Variants in PRICKLE2 observed in about 807,000 individuals in gnomAD.
The protein encoded by PRICKLE2 is prickle-like protein 2.
In PRICKLE2, 21 loss-of-function variants were observed where a neutral mutation model predicts 81.4. That is an observed-to-expected ratio of 0.26 (90% CI 0.18 to 0.37). The LOEUF is 0.37. PRICKLE2 is among the 10% of genes least tolerant of loss of function. The probability of loss-of-function intolerance (pLI) is 1.00; values close to 1 mark genes in which losing one functional copy is unlikely to be tolerated. For synonymous variants in PRICKLE2, 456 were observed against 421.5 expected, an observed-to-expected ratio of 1.08 and a Z score of -1.00; for missense variants, 940 against 1,109.0, an observed-to-expected ratio of 0.85 and a Z score of 2.16.
intron 2 of PRICKLE2, among the ~76,000 whole-genome samples, chr3:64,234,851 G>A (rs948585275): frequency 1.3e-5 from 2 of 152,126 alleles, no homozygotes; most frequent in African/African-American, 4.8e-5. Flanking sequence ...GTGTTTGAGT[G>A]TGAATCTCTT....
At chr3:64,177,731 C>T (rs1307621320) in intron 2 of PRICKLE2, among the ~76,000 whole-genome samples, 8 of 152,158 alleles carry the variant, frequency 5.3e-5, no homozygotes, top group Admixed American at 6.5e-5. Flanking sequence ...TCTGTTGTAG[C>T]ATGTGTCAGG....
chr3:64,155,712 A>G (rs1260665894), intron 5 of PRICKLE2, among the ~76,000 whole-genome samples: 3 of 152,268 alleles, frequency 2.0e-5, no homozygotes, highest in Admixed American at 2.0e-4. Flanking sequence ...GGAATGAAGT[A>G]CTTACATATA....
chr3:64,230,135 T>C (rs1277822803), upstream of PRICKLE2, among the ~76,000 whole-genome samples: 3 of 152,304 alleles, frequency 2.0e-5, no homozygotes, highest in East Asian at 5.8e-4. Context: ...ATATCACTTC[T>C]AGTGGTCAAA....
chr3:64,124,062 C>A (rs1481315876), intron 7 of PRICKLE2, among the ~76,000 whole-genome samples: 1 of 152,128 alleles, frequency 6.6e-6, no homozygotes, highest in Admixed American at 6.6e-5. Flanking sequence ...ATAAAAAGTT[C>A]TTGAAGGAAT....
At chr3:64,192,475 T>C (rs1559568069) in intron 2 of PRICKLE2, among the ~76,000 whole-genome samples, 1 of 152,224 alleles carries the variant, frequency 6.6e-6, no homozygotes, top group Non-Finnish European at 1.5e-5. Context: ...AATCTTGTAT[T>C]AGGGGCCAGC....
At chr3:64,104,326 G>C (rs2076719764) in intron 7 of PRICKLE2, among the ~76,000 whole-genome samples, 3 of 152,216 alleles carry the variant, frequency 2.0e-5, no homozygotes, top group Non-Finnish European at 4.4e-5. Flanking sequence ...AGAAAGGAAA[G>C]AAAACATCTT....
At chr3:64,157,087 G>T in intron 5 of PRICKLE2, 75 bp downstream of exon 5, 1 of 1,386,934 alleles carries the variant, frequency 7.2e-7, no homozygotes, top group Non-Finnish European at 1.0e-6. Context: ...AGTGCAGAAA[G>T]CCAGAAGACC....
At chr3:64,115,670 C>G (rs576709397) in intron 7 of PRICKLE2, among the ~76,000 whole-genome samples, 219 of 152,186 alleles carry the variant, frequency 1.4e-3, no homozygotes, top group African/African-American at 4.9e-3. Flanking sequence ...ATATATGTTC[C>G]CAACACAGGA....
intron 1 of PRICKLE2, among the ~76,000 whole-genome samples, chr3:64,202,710 G>A (rs1007321911): frequency 6.6e-6 from 1 of 151,106 alleles, no homozygotes; most frequent in African/African-American, 2.4e-5. Flanking sequence ...ACCATATCAT[G>A]TGCAAATAGA....
intron 7 of PRICKLE2, chr3:64,103,003 A>G (rs1197046121): frequency 1.3e-5 from 2 of 152,180 alleles, no homozygotes; most frequent in African/African-American, 2.4e-5. Context: ...TGAAAGAACA[A>G]ATGTGGCAAA....
chr3:64,252,123 T>G (rs115399703), intron 2 of PRICKLE2, among the ~76,000 whole-genome samples: 1 of 151,626 alleles, frequency 6.6e-6, no homozygotes, highest in Non-Finnish European at 1.5e-5. Context: ...AAGTAAGTAA[T>G]AGGCATAATC....
intron 2 of PRICKLE2, among the ~76,000 whole-genome samples, chr3:64,248,540 A>G (rs933279858): frequency 6.6e-6 from 1 of 152,216 alleles, no homozygotes; most frequent in Non-Finnish European, 1.5e-5. Context: ...CTTGAACCAC[A>G]GATCAATCAC....
intron 1 of PRICKLE2, among the ~76,000 whole-genome samples, chr3:64,203,403 G>T (rs534875680): frequency 9.8e-5 from 15 of 152,296 alleles, no homozygotes; most frequent in Non-Finnish European, 2.2e-4. Context: ...ATGTGTTTAA[G>T]TAAGTTGACT....
At chr3:64,176,128 A>G (rs1258374353) in intron 2 of PRICKLE2, among the ~76,000 whole-genome samples, 4 of 152,170 alleles carry the variant, frequency 2.6e-5, no homozygotes, top group Non-Finnish European at 5.9e-5. Context: ...GAGTTTTACT[A>G]GAAGTACTAA....
chr3:64,162,929 T>C (rs2077757657), intron 3 of PRICKLE2, 87 bp downstream of exon 3: 5 of 885,668 alleles, frequency 5.6e-6, no homozygotes, highest in East Asian at 4.8e-5. Flanking sequence ...CTTCTTCGGC[T>C]ACCTCATTGG....
chr3:64,258,845 A>G (rs2620628), intron 2 of PRICKLE2, among the ~76,000 whole-genome samples: 1,753 of 33,458 alleles, frequency 0.052, 9 homozygotes, highest in African/African-American at 0.065. Context: ...AAAAAAAAAA[A>G]AAAGAAAGAA....
At chr3:64,209,252 C>A (rs1458086259) in intron 1 of PRICKLE2, among the ~76,000 whole-genome samples, 1 of 151,946 alleles carries the variant, frequency 6.6e-6, no homozygotes, top group Non-Finnish European at 1.5e-5. Context: ...TCATTCATAC[C>A]CATAAATACA....
Position 64,146,865 on chromosome 3 carries a change from C to A in PRICKLE2, c.1625G>T (p.Gly542Val), listed in dbSNP as rs1245428599. 2 of 1,614,022 alleles carry A rather than the reference C, an allele frequency of 1.2e-6. No homozygotes were observed. Among genetic ancestry groups the A allele is most frequent in the East Asian group, 2.2e-5 (1 of 44,876 alleles). The change falls in exon 7 of 8, where the codon GGC becomes GTC. Residue 542 changes from glycine (G) to valine (V), a missense_variant. Physicochemically the swap from Gly to Val is moderately radical, Grantham distance 109. Coordinates refer to ENST00000638394, the MANE Select transcript of PRICKLE2 (RefSeq NM_198859.4). ...AGACAGGGCCAGGGATTCCATGGAG[C>A]CCCGAGGGGTCTGCTCTGTGGGCGT... is the stretch of plus-strand genomic sequence containing the variant. ...DMTPTEQTPR[G>V]SMESLALSNA... is the part of the protein sequence containing the mutation.
In PRICKLE2 at chr3:64,147,033, A is replaced by C; in HGVS notation, c.1457T>G (p.Met486Arg). 1.2e-6 allele frequency: 2 copies of C among 1,614,072 alleles called. No individual in the cohort carries two copies. The highest frequency in any genetic ancestry group is 1.7e-6 in the Non-Finnish European group (2 of 1,180,008). Residue 486 changes from methionine (M) to arginine (R), a missense_variant, in exon 7 of 8, where the codon ATG becomes AGG. By Grantham distance (91) the Met-to-Arg change is moderately conservative (BLOSUM62 -1). This residue lies in a region of PRICKLE2 where 670 missense variants were observed against 717.2 expected (regional missense o/e 0.93). Transcript: ENST00000638394. This position sits in a 1 kb window ranked among gnomAD's most constrained non-coding sequence, Gnocchi z 5.0. The stretch of plus-strand genomic sequence containing the variant: ...GGTCTCACTGAAACTCTGACTAGAC[A>C]TATCACTGTAGCTCTCCTGAGATCT... ...RLRSQESYSD[M>R]SSQSFSETRG...
Sources: gnomAD v4.1 joint callset for allele counts (sites outside exome capture counted in the v4.1 genomes callset) on GRCh38, gnomAD v4.1.1 for gene constraint, gnomAD v4.1.1 regional missense constraint, Gnocchi (gnomAD v3.1) non-coding constraint, MANE v1.5 for transcripts, NCBI Gene and HGNC (gene_info 2026-07-23, HGNC 2026-07-21) for gene names.